NPR1: variants seen among roughly 807,000 people sequenced by gnomAD.
The protein encoded by NPR1 is natriuretic peptide receptor 1, also known as atrial natriuretic peptide receptor 1.
Under a neutral mutation model 116.9 loss-of-function variants are expected in NPR1, and 57 were observed. The ratio of observed to expected loss-of-function variants is 0.49; its 90% CI spans 0.39 to 0.61. The LOEUF (loss-of-function observed/expected upper bound fraction) is 0.61, where lower values mean the gene tolerates loss of function less well. Ranked by LOEUF, NPR1 falls within the 20% of genes least tolerant of loss-of-function variation. The pLI is 0.00. For missense variants in NPR1, 1,096 were observed against 1,409.8 expected, an observed-to-expected ratio of 0.78 and a Z score of 3.56; for synonymous variants, 555 against 601.6, an observed-to-expected ratio of 0.92 and a Z score of 1.13.
intron 7 of NPR1, among the ~76,000 whole-genome samples, chr1:153,684,538 C>G (rs1044066539): frequency 3.3e-5 from 5 of 151,856 alleles, no homozygotes; most frequent in Non-Finnish European, 7.4e-5. Context: ...ACTACAGGCA[C>G]ATGCCACCAC....
chr1:153,692,957 C>T (rs1670147377), intron 20 of NPR1, 149 bp from the exon 21 acceptor site: 1 of 629,756 alleles, frequency 1.6e-6, no homozygotes, highest in Non-Finnish European at 2.8e-6. Context: ...GGTGGGGCCC[C>T]TCTGAGCTAG....
intron 7 of NPR1, 142 bp from the exon 8 acceptor site, chr1:153,684,822 T>C (rs1386917682): frequency 4.3e-6 from 5 of 1,160,276 alleles, no homozygotes; most frequent in Non-Finnish European, 6.1e-6. Flanking sequence ...CCAGCCATCC[T>C]GATTCTCAGT....
Position 153,683,767 on chromosome 1 carries a change from C to T in NPR1, c.1427C>T (p.Ala476Val). 1 of 1,614,178 alleles carries T rather than the reference C, an allele frequency of 6.2e-7. No individual in the cohort carries two copies. Among genetic ancestry groups the T allele is most frequent in the Non-Finnish European group, 8.5e-7 (1 of 1,180,038 alleles). Reference sequence around the variant, plus strand: ...CACCTTTCCACCCTGGAGGTGCTGGCTTTGGTGGGCAGCCTCTCCTTGCTC... The same window carrying T: ...CACCTTTCCACCCTGGAGGTGCTGGTTTTGGTGGGCAGCCTCTCCTTGCTC... ...QDHLSTLEVL[A>V]LVGSLSLLGI... The change falls in exon 7 of 22, where the codon GCT (alanine) becomes GTT (valine). Residue 476 changes from alanine (A) to valine (V), a missense_variant. Ala to Val is a moderately conservative substitution (Grantham distance 64, BLOSUM62 0). Coordinates refer to ENST00000368680, the MANE Select transcript of NPR1 (RefSeq NM_000906.4).
Position 153,690,296 on chromosome 1 carries a change from C to T in NPR1, c.2945C>T (p.Ala982Val). The T allele has an allele frequency of 6.4e-7, 1 of 1,558,276 alleles. No individual in the cohort carries two copies. Among genetic ancestry groups the T allele is most frequent in the Non-Finnish European group, 8.7e-7 (1 of 1,149,790 alleles). The change falls in exon 20 of 22, where the codon GCT (alanine) becomes GTT (valine). Residue 982 changes from alanine (A) to valine (V), a missense_variant. Transcript: ENST00000368680. ...RIGIHTGPVC[A>V]GVVGLKMPRY... ...TTGCTCCTCCCAGGACCTGTGTGTG[C>T]TGGAGTGGTGGGACTGAAGATGCCC... is the stretch of plus-strand genomic sequence containing the variant.
intron 6 of NPR1, 90 bp from the exon 7 acceptor site, chr1:153,683,650 A>C: frequency 6.5e-7 from 1 of 1,546,796 alleles, no homozygotes; most frequent in Non-Finnish European, 8.9e-7. Flanking sequence ...TTCATCCATC[A>C]TCCCAGTTCA....
At position 153,680,489 on chromosome 1, in the gene NPR1, G is replaced by T. The variant is rs111727143; in HGVS notation, c.722-12G>T. 2 of 1,613,652 alleles carry T rather than the reference G, an allele frequency of 1.2e-6. No homozygotes were observed. The highest frequency in any genetic ancestry group is 1.7e-6 in the Non-Finnish European group (2 of 1,179,726). On this transcript the variant is annotated splice_polypyrimidine_tract_variant and intron_variant, in intron 1 of 21. Coordinates refer to ENST00000368680, the MANE Select transcript of NPR1 (RefSeq NM_000906.4). ...CCTAGGCTTCTCTCTCTGACTCTCC[G>T]TCTTTCTCCAGTTATCTACATCTGC...
chr1:153,688,043 C>A lies in NPR1; in HGVS notation c.2249-10C>A, dbSNP rs1338040091. 2 of 1,597,696 alleles carry A rather than the reference C, an allele frequency of 1.3e-6. No homozygotes were observed. The highest frequency in any genetic ancestry group is 2.2e-5 in the East Asian group (1 of 44,768). ...CCCCACCCCTCAGCTCCTCTACCCC[C>A]CCAATACAGAGATCATCGAGCGGGT... On this transcript the variant is annotated splice_polypyrimidine_tract_variant and intron_variant, in intron 14 of 21. Transcript: ENST00000368680.
At chr1:153,684,846 T>C (rs1308344825) in intron 7 of NPR1, 118 bp from the exon 8 acceptor site, 2 of 1,343,782 alleles carry the variant, frequency 1.5e-6, no homozygotes, top group East Asian at 2.3e-5. Flanking sequence ...GAGGATAGAA[T>C]TCCCCCTCCA....
At chr1:153,681,926 T>C in intron 4 of NPR1, 87 bp downstream of exon 4, 2 of 1,524,688 alleles carry the variant, frequency 1.3e-6, no homozygotes. Context: ...CCTATTGTCC[T>C]GCAGCAGTTA....
At chr1:153,682,917 C>T (rs191528618) in intron 5 of NPR1, among the ~76,000 whole-genome samples, 227 of 152,288 alleles carry the variant, frequency 1.5e-3, no homozygotes, top group Non-Finnish European at 2.6e-3. Context: ...GCTCTGCAAG[C>T]GAGCAGGGAC....
intron 3 of NPR1, 162 bp from the exon 4 acceptor site, chr1:153,681,542 T>C (rs2101729469): frequency 1.3e-6 from 1 of 743,448 alleles, no homozygotes; most frequent in East Asian, 2.7e-5. Flanking sequence ...GTGATGCTAA[T>C]CCAAAGGCAT....
rs372105507 is a variant in NPR1 at position 153,689,773 on chromosome 1, G to A, written c.2758-33G>A. 2.1e-5 allele frequency: 32 copies of A among 1,496,198 alleles called. No individual in the cohort carries two copies. Among genetic ancestry groups the A allele is most frequent in the African/African-American group, 8.3e-5 (6 of 72,292 alleles). 92.7% of individuals were successfully genotyped at this position (1,496,198 alleles called of 1,614,324 possible). On this transcript the variant is annotated intron_variant, in intron 18 of 21. Coordinates refer to ENST00000368680, the MANE Select transcript of NPR1 (RefSeq NM_000906.4). The surrounding 1 kb of genome is among the most constrained non-coding windows in gnomAD (Gnocchi z 5.1). ...TGTGGCCGGCCGCACAGTTGCAGCC[G>A]TCAAGTCCTGCACCCCCTCGCCACT...
Position 153,688,182 on chromosome 1 carries a change from C to T in NPR1, c.2378C>T (p.Pro793Leu), listed in dbSNP as rs772691216. ...CWAEDPQERP[P>L]FQQIRLTLRK... ...GCTGAGGACCCACAGGAGAGGCCACCATTCCAGCAGATCCGCCTGACGTTG... is the reference window on the plus strand; with the variant it reads ...GCTGAGGACCCACAGGAGAGGCCACTATTCCAGCAGATCCGCCTGACGTTG... Residue 793 changes from proline to leucine, a missense_variant, in exon 15 of 22, where the codon CCA becomes CTA. Transcript: ENST00000368680. The T allele has an allele frequency of 3.7e-6, 6 of 1,613,910 alleles. No individual in the cohort carries two copies. In the East Asian group the frequency reaches 1.3e-4, roughly 36 times the overall value.
Position 153,683,409 on chromosome 1 carries a change from C to G in NPR1, c.1297C>G (p.Leu433Val). The change falls in exon 6 of 22, where the codon CTG becomes GTG. Residue 433 changes from leucine to valine, a missense_variant. Physicochemically the swap from Leu to Val is conservative, Grantham distance 32. Transcript: ENST00000368680. Reference protein sequence around the residue: ...VLNYNGTSQELVAVSGRKLNW... With the variant: ...VLNYNGTSQEVVAVSGRKLNW... Reference sequence around the variant, plus strand: ...GAACTACAATGGGACTTCCCAAGAGCTGGTGGCTGTGTCGGGGCGCAAACT... The same window carrying G: ...GAACTACAATGGGACTTCCCAAGAGGTGGTGGCTGTGTCGGGGCGCAAACT... 6.2e-7 allele frequency: 1 copy of G among 1,614,202 alleles called. No individual in the cohort carries two copies.
Position 153,678,928 on chromosome 1 carries a change from T to C in NPR1, c.-181T>C. The C allele has an allele frequency of 1.2e-6, 1 of 834,924 alleles. No individual in the cohort carries two copies. 51.7% of individuals were successfully genotyped at this position (834,924 alleles called of 1,614,324 possible). A position where few individuals can be genotyped will look rare whatever the true frequency, so the allele number is the denominator to read the frequency against. The stretch of plus-strand genomic sequence containing the variant: ...GCGCGCCCCCCTCGGTCGCGCCCCT[T>C]GCGCTCTCGGCCCAGACCGTCGCAG... On this transcript the variant is annotated 5_prime_UTR_variant, in exon 1 of 22. Transcript: ENST00000368680. The surrounding 1 kb of genome is among the most constrained non-coding windows in gnomAD (Gnocchi z 5.8).
In NPR1 at chr1:153,682,812, G is replaced by A. The variant is rs1049194684; in HGVS notation, c.1263+223G>A. The stretch of plus-strand genomic sequence containing the variant: ...ACACTTGGGGAGCCCCATGCCTGAG[G>A]AGGGAGCACAAGCCTGCCCTCGGGG... On this transcript the variant is annotated intron_variant, in intron 5 of 21. Transcript: ENST00000368680. 5.9e-5 allele frequency among the ~76,000 whole-genome samples: 9 copies of A among 152,232 alleles called. 1 individual carries two copies. The highest frequency in any genetic ancestry group is 5.2e-4 in the Admixed American group (8 of 15,288).
In NPR1 at chr1:153,688,039, C is replaced by G; in HGVS notation, c.2249-14C>G. Reference sequence around the variant, plus strand: ...CCAGCCCCACCCCTCAGCTCCTCTACCCCCCCAATACAGAGATCATCGAGC... The same window carrying G: ...CCAGCCCCACCCCTCAGCTCCTCTAGCCCCCCAATACAGAGATCATCGAGC... On this transcript the variant is annotated splice_polypyrimidine_tract_variant and intron_variant, in intron 14 of 21. Transcript: ENST00000368680. 2.1e-6 allele frequency: 1 copy of G among 467,310 alleles called. No homozygotes were observed. Among genetic ancestry groups the G allele is most frequent in the Admixed American group, 1.2e-4 (1 of 8,238 alleles). The allele number at this position is 467,310 out of a possible 1,614,324, so 28.9% of individuals were successfully genotyped here. A position where few individuals can be genotyped will look rare whatever the true frequency, so the allele number is the denominator to read the frequency against.
chr1:153,686,585 G>A (rs1669934636), intron 10 of NPR1, 61 bp from the exon 11 acceptor site: 1 of 1,363,846 alleles, frequency 7.3e-7, no homozygotes, highest in African/African-American at 1.4e-5. Context: ...CCTGAAGCTA[G>A]TGAGCAGCTT....
At position 153,679,462 on chromosome 1, in the gene NPR1, C is replaced by T; in HGVS notation, c.354C>T (p.Cys118=). The T allele has an allele frequency of 6.5e-7, 1 of 1,541,428 alleles. No individual in the cohort carries two copies. ...CCGCTGTGTTCCTGGGCCCCGGCTG[C>T]GTGTACGCCGCCGCCCCAGTGGGGC... ...HNPAVFLGPG[C]VYAAAPVGRF... The change falls in exon 1 of 22, where the codon TGC becomes TGT. Residue 118 remains cysteine (C), a synonymous_variant. Coordinates refer to ENST00000368680, the MANE Select transcript of NPR1 (RefSeq NM_000906.4). This position sits in a 1 kb window ranked among gnomAD's most constrained non-coding sequence, Gnocchi z 4.2.
Sources: allele counts gnomAD v4.1 joint callset (sites outside exome capture counted in the v4.1 genomes callset), GRCh38; gene constraint gnomAD v4.1.1; non-coding constraint Gnocchi (gnomAD v3.1); transcripts MANE v1.5; gene names NCBI Gene and HGNC (gene_info 2026-07-23, HGNC 2026-07-21).